Variants in WWOX observed in about 807,000 individuals in gnomAD.
WWOX encodes the protein WW domain-containing oxidoreductase.
In WWOX, 69 loss-of-function variants were observed where a neutral mutation model predicts 46.2. The observed-to-expected ratio is 1.49, with a 90% CI of 1.23 to 1.82. The LOEUF (loss-of-function observed/expected upper bound fraction) is 1.82. WWOX is among the 40% of genes most tolerant of loss of function. The probability of loss-of-function intolerance (pLI) is 0.00; values close to 1 mark genes in which losing one functional copy is unlikely to be tolerated. For synonymous variants in WWOX, 359 were observed against 202.6 expected, an observed-to-expected ratio of 1.77 and a Z score of -6.56; for missense variants, 919 against 542.6, an observed-to-expected ratio of 1.69 and a Z score of -6.89.
At chr16:78,375,042 A>G (rs1160024945) in intron 5 of WWOX, among the ~76,000 whole-genome samples, 1 of 152,204 alleles carries the variant, frequency 6.6e-6, no homozygotes, top group Non-Finnish European at 1.5e-5. Flanking sequence ...TGCGAGGCAG[A>G]TACCATTTTA....
chr16:78,750,689 T>G (rs1343432298), intron 8 of WWOX, among the ~76,000 whole-genome samples: 1 of 152,138 alleles, frequency 6.6e-6, no homozygotes. Context: ...GTTCCTGTCT[T>G]CATGCCCATG....
At chr16:78,968,291 A>G (rs1191872832) in intron 8 of WWOX, among the ~76,000 whole-genome samples, 1 of 152,180 alleles carries the variant, frequency 6.6e-6, no homozygotes, top group Non-Finnish European at 1.5e-5. Flanking sequence ...CCATAGTCCT[A>G]CCCGTAGGAA....
At position 78,413,748 on chromosome 16, in the gene WWOX, C is replaced by T. The variant is rs567012096; in HGVS notation, c.606-11122C>T. Among the ~76,000 whole-genome samples the T allele has an allele frequency of 1.1e-3, 173 of 151,902 alleles. 1 individual carries two copies. The highest frequency in any genetic ancestry group is 3.5e-4 in the Non-Finnish European group (24 of 67,986). ...ATGAAATCACAGGGAATCAAAGGTG[C>T]CCTCCTGTGCTGACTCAGTTCCTGG... On this transcript the variant is annotated intron_variant, in intron 6 of 8. Transcript: ENST00000566780.
At chr16:78,496,116 C>G (rs2738725) in intron 8 of WWOX, 28 of 152,094 alleles carry the variant, frequency 1.8e-4, no homozygotes, top group African/African-American at 6.8e-4. Context: ...GCTTTACTGA[C>G]TGCCCTCATT....
chr16:78,849,342 G>A (rs543157636), intron 8 of WWOX, among the ~76,000 whole-genome samples: 1 of 151,694 alleles, frequency 6.6e-6, no homozygotes, highest in Non-Finnish European at 1.5e-5. Context: ...AGGCCGAGGC[G>A]GGGGGGATCA....
At chr16:79,056,018 T>A (rs1009120122) in intron 8 of WWOX, among the ~76,000 whole-genome samples, 5 of 152,142 alleles carry the variant, frequency 3.3e-5, no homozygotes, top group Non-Finnish European at 7.4e-5. Flanking sequence ...GCAAGTACTT[T>A]CCATGAAATA....
At position 78,780,038 on chromosome 16, in the gene WWOX, C is replaced by T. The variant is rs543483413; in HGVS notation, c.1056+347286C>T. On this transcript the variant is annotated intron_variant, in intron 8 of 8. Transcript: ENST00000566780. ...AGTCAATGGCAGTACCCAGTAGAAG[C>T]CATATGGATACTTTTTCTCAAGTGT... is the stretch of plus-strand genomic sequence containing the variant. 6.6e-5 allele frequency among the ~76,000 whole-genome samples: 10 copies of T among 152,254 alleles called. No homozygotes were observed. In the South Asian group the frequency reaches 1.7e-3, roughly 25 times the overall value.
At chr16:78,373,200 T>C (rs999591147) in intron 5 of WWOX, among the ~76,000 whole-genome samples, 2 of 152,262 alleles carry the variant, frequency 1.3e-5, no homozygotes, top group African/African-American at 4.8e-5. Flanking sequence ...TCAGACTCAA[T>C]AGGTACTAGA....
At chr16:78,944,610 A>T (rs905757484) in intron 8 of WWOX, among the ~76,000 whole-genome samples, 1 of 152,186 alleles carries the variant, frequency 6.6e-6, no homozygotes, top group African/African-American at 2.4e-5. Context: ...CCCAAAGATC[A>T]TACTGGGATC....
intron 8 of WWOX, among the ~76,000 whole-genome samples, chr16:79,138,351 G>A (rs2050023262): frequency 6.6e-6 from 1 of 152,206 alleles, no homozygotes; most frequent in Admixed American, 6.5e-5. Context: ...GTCCCTTAGT[G>A]ACTCATGATG....
At chr16:78,918,084 C>T (rs1210614437) in intron 8 of WWOX, among the ~76,000 whole-genome samples, 1 of 151,836 alleles carries the variant, frequency 6.6e-6, no homozygotes, top group Non-Finnish European at 1.5e-5. Flanking sequence ...TGCTTGTAGT[C>T]CCAGCTACTC....
chr16:78,751,172 G>C (rs575642162), intron 8 of WWOX, among the ~76,000 whole-genome samples: 153 of 152,122 alleles, frequency 1.0e-3, no homozygotes, highest in African/African-American at 3.5e-3. Flanking sequence ...AAAGGGAATA[G>C]TACACTACAT....
chr16:78,860,490 T>G (rs1291954010), intron 8 of WWOX, among the ~76,000 whole-genome samples: 2 of 151,612 alleles, frequency 1.3e-5, no homozygotes, highest in African/African-American at 4.8e-5. Context: ...TTGCCTGACA[T>G]TCAAAGAAAA....
chr16:78,538,781 A>G lies in WWOX; in HGVS notation c.1056+106029A>G, dbSNP rs987424797. On this transcript the variant is annotated intron_variant, in intron 8 of 8. Transcript: ENST00000566780. ...GATTTAGGAGCATTTTCTTTCTGCT[A>G]CCTTCCTAAAACGCATGGGTGGAAA... is the stretch of plus-strand genomic sequence containing the variant. Among the ~76,000 whole-genome samples the G allele has an allele frequency of 4.6e-5, 7 of 152,210 alleles. No homozygotes were observed. The East Asian group carries it at 1.3e-3, about 29-fold the overall frequency.
chr16:79,122,362 C>G (rs1267104038), intron 8 of WWOX, among the ~76,000 whole-genome samples: 1 of 152,180 alleles, frequency 6.6e-6, no homozygotes, highest in Non-Finnish European at 1.5e-5. Flanking sequence ...AACAATAGCG[C>G]TTCTAAAAGC....
intron 8 of WWOX, among the ~76,000 whole-genome samples, chr16:78,557,689 A>ATTTTTTTT (rs34068363): frequency 1.6e-4 from 15 of 96,628 alleles, no homozygotes; most frequent in Middle Eastern, 8.1e-3. Flanking sequence ...CTAGGGAAGG[A>ATTTTTTTT]TTTTTTTTTT....
chr16:79,075,697 T>G (rs2048642898), intron 8 of WWOX, among the ~76,000 whole-genome samples: 1 of 151,942 alleles, frequency 6.6e-6, no homozygotes, highest in Admixed American at 6.6e-5. Flanking sequence ...GGACTATAGG[T>G]GTACATCACC....
intron 8 of WWOX, among the ~76,000 whole-genome samples, chr16:78,641,529 A>G (rs2046710697): frequency 6.6e-6 from 1 of 152,126 alleles, no homozygotes; most frequent in Admixed American, 6.6e-5. Context: ...TCAAATGGGG[A>G]AAAGAACATG....
At chr16:79,047,920 C>T (rs530207920) in intron 8 of WWOX, among the ~76,000 whole-genome samples, 2 of 151,876 alleles carry the variant, frequency 1.3e-5, no homozygotes, top group Non-Finnish European at 2.9e-5. Context: ...AGAATACACC[C>T]GAGCAATTAC....
Sources: gnomAD v4.1 joint callset for allele counts (sites outside exome capture counted in the v4.1 genomes callset) on GRCh38, gnomAD v4.1.1 for gene constraint, MANE v1.5 for transcripts, NCBI Gene and HGNC (gene_info 2026-07-23, HGNC 2026-07-21) for gene names.